CTNNA2: variants seen among roughly 807,000 people sequenced by gnomAD.
CTNNA2 encodes catenin alpha-2.
Under a neutral mutation model 101.0 loss-of-function variants are expected in CTNNA2, and 42 were observed. That is an observed-to-expected ratio of 0.42 (90% CI 0.32 to 0.54). The LOEUF (loss-of-function observed/expected upper bound fraction) is 0.54. CTNNA2 is among the 20% of genes least tolerant of loss of function. The pLI is 0.14. For missense variants in CTNNA2, 871 were observed against 1,223.1 expected (o/e 0.71, Z 4.29); for synonymous variants, 450 against 456.4 (o/e 0.99, Z 0.18).
At chr2:79,835,163 A>C (rs536098799) in intron 3 of CTNNA2, among the ~76,000 whole-genome samples, 1 of 152,092 alleles carries the variant, frequency 6.6e-6, no homozygotes, top group East Asian at 1.9e-4. Context: ...CTTTTCCTCA[A>C]TCAAAACTTG....
At chr2:79,264,535 T>G (rs1235721805) in intron 2 of CTNNA2, among the ~76,000 whole-genome samples, 1 of 152,076 alleles carries the variant, frequency 6.6e-6, no homozygotes, top group Non-Finnish European at 1.5e-5. Flanking sequence ...AAACTGAAGT[T>G]TAAGCAATGC....
At chr2:79,420,022 C>A (rs551338641) in intron 4 of CTNNA2, among the ~76,000 whole-genome samples, 1 of 152,188 alleles carries the variant, frequency 6.6e-6, no homozygotes, top group South Asian at 2.1e-4. Flanking sequence ...GCTCCCCAGC[C>A]TAGTTATGAA....
At chr2:80,135,423 G>T (rs1282171157) in intron 7 of CTNNA2, among the ~76,000 whole-genome samples, 2 of 152,218 alleles carry the variant, frequency 1.3e-5, no homozygotes, top group Admixed American at 1.3e-4. Context: ...GTAGAGTTTT[G>T]AGGTGGGTAG....
chr2:79,529,858 G>C (rs927219088), intron 1 of CTNNA2, among the ~76,000 whole-genome samples: 12 of 151,938 alleles, frequency 7.9e-5, no homozygotes, highest in Admixed American at 2.6e-4. Flanking sequence ...ACAAGAGAAA[G>C]GAAGGGTAAG....
intron 7 of CTNNA2, among the ~76,000 whole-genome samples, chr2:79,917,418 A>G (rs529564427): frequency 5.3e-4 from 81 of 152,228 alleles, no homozygotes; most frequent in African/African-American, 1.9e-3. Context: ...GCCAGAGTAC[A>G]GCTATGTTAC....
chr2:80,561,600 C>A (rs904708002), intron 12 of CTNNA2, among the ~76,000 whole-genome samples: 13 of 152,086 alleles, frequency 8.5e-5, no homozygotes, highest in Non-Finnish European at 1.8e-4. Flanking sequence ...GGGAACCACA[C>A]CATTATGAAT....
At chr2:80,149,721 T>G (rs1703570807) in intron 7 of CTNNA2, among the ~76,000 whole-genome samples, 1 of 151,272 alleles carries the variant, frequency 6.6e-6, no homozygotes, top group Non-Finnish European at 1.5e-5. Flanking sequence ...TTGATTAGGT[T>G]TCTTAAAGAG....
At position 80,162,938 on chromosome 2, in the gene CTNNA2, A is replaced by T. The variant is rs954169320; in HGVS notation, c.1057-230273A>T. ...TGGAGGTAGGGCTTGAATTTCCAAC[A>T]TGATATTGGGGATATGGCAAACTGA... On this transcript the variant is annotated intron_variant, in intron 7 of 18. Coordinates refer to ENST00000402739, the MANE Select transcript of CTNNA2 (RefSeq NM_001282597.3). The T allele has an allele frequency of 3.2e-6, 5 of 1,546,078 alleles. No individual in the cohort carries two copies. In the African/African-American group the frequency reaches 6.8e-5, roughly 21 times the overall value.
At chr2:79,700,743 A>C (rs1684950151) in intron 2 of CTNNA2, among the ~76,000 whole-genome samples, 1 of 152,146 alleles carries the variant, frequency 6.6e-6, no homozygotes, top group South Asian at 2.1e-4. Context: ...GAAATTTAGG[A>C]TGTGATATAG....
At chr2:80,146,388 A>G (rs1244405915) in intron 7 of CTNNA2, among the ~76,000 whole-genome samples, 1 of 152,122 alleles carries the variant, frequency 6.6e-6, no homozygotes, top group Non-Finnish European at 1.5e-5. Flanking sequence ...TTACTTCTCA[A>G]AATTTCTTCC....
At chr2:80,619,289 G>C in intron 18 of CTNNA2, 61 bp downstream of exon 18, 2 of 1,384,504 alleles carry the variant, frequency 1.4e-6, no homozygotes, top group South Asian at 3.7e-5. Context: ...CTGAAGGCAG[G>C]GGGGATTGGA....
At chr2:80,564,457 A>G (rs1457277508) in intron 12 of CTNNA2, among the ~76,000 whole-genome samples, 2 of 151,684 alleles carry the variant, frequency 1.3e-5, no homozygotes, top group East Asian at 1.9e-4. Context: ...ACAAGAGCAG[A>G]TGGATGCTCC....
At chr2:80,529,255 C>T (rs192678781) in intron 9 of CTNNA2, among the ~76,000 whole-genome samples, 91 of 152,206 alleles carry the variant, frequency 6.0e-4, no homozygotes, top group Admixed American at 9.2e-4. Flanking sequence ...GTGTTTTAAC[C>T]GCCCTTTATA....
At chr2:80,351,010 G>A (rs1408301877) in intron 7 of CTNNA2, among the ~76,000 whole-genome samples, 1 of 152,140 alleles carries the variant, frequency 6.6e-6, no homozygotes, top group East Asian at 1.9e-4. Flanking sequence ...ACTGAAGAAA[G>A]CAAGTGAGTT....
chr2:80,573,289 G>C (rs577572652), intron 12 of CTNNA2: 1 of 152,154 alleles, frequency 6.6e-6, no homozygotes, highest in African/African-American at 2.4e-5. Flanking sequence ...TGTTCCAGAC[G>C]CTCCGCTGAG....
chr2:80,161,436 T>G (rs1205093973), intron 7 of CTNNA2, among the ~76,000 whole-genome samples: 2 of 152,158 alleles, frequency 1.3e-5, no homozygotes, highest in Non-Finnish European at 2.9e-5. Context: ...TAAACAATTC[T>G]GTAATGAAAT....
chr2:79,253,201 T>C (rs977251120), intron 2 of CTNNA2, among the ~76,000 whole-genome samples: 1 of 152,162 alleles, frequency 6.6e-6, no homozygotes, highest in Non-Finnish European at 1.5e-5. Context: ...TACCCATAAA[T>C]AGAAGACAGG....
chr2:79,281,054 T>C (rs1444485725), intron 2 of CTNNA2, among the ~76,000 whole-genome samples: 1 of 151,922 alleles, frequency 6.6e-6, no homozygotes, highest in African/African-American at 2.4e-5. Context: ...ACCCCCCACA[T>C]CCTTATGGGG....
At position 79,549,812 on chromosome 2, in the gene CTNNA2, A is replaced by G. The variant is rs189487289; in HGVS notation, c.-6+36605A>G. 3.3e-5 allele frequency among the ~76,000 whole-genome samples: 5 copies of G among 152,198 alleles called. No homozygotes were observed. In the East Asian group the frequency reaches 9.7e-4, roughly 29 times the overall value. Reference sequence around the variant, plus strand: ...ACTACCCCTGGTTTCTTTATCTGCTATTTCCCCTGTTATATGATACTGTTT... The same window carrying G: ...ACTACCCCTGGTTTCTTTATCTGCTGTTTCCCCTGTTATATGATACTGTTT... On this transcript the variant is annotated intron_variant, in intron 1 of 18. Transcript: ENST00000402739.
Sources: gnomAD v4.1 joint callset for allele counts (sites outside exome capture counted in the v4.1 genomes callset) on GRCh38, gnomAD v4.1.1 for gene constraint, MANE v1.5 for transcripts, NCBI Gene and HGNC (gene_info 2026-07-23, HGNC 2026-07-21) for gene names.